The following ST3GAL3 variants were observed in gnomAD, a reference collection of about 807,000 sequenced individuals.
The protein encoded by ST3GAL3 is CMP-N-acetylneuraminate-beta-1,4-galactoside alpha-2,3-sialyltransferase.
Under a neutral mutation model 50.1 loss-of-function variants are expected in ST3GAL3, and 21 were observed. That is an observed-to-expected ratio of 0.42 (90% CI 0.30 to 0.60). The LOEUF (loss-of-function observed/expected upper bound fraction) is 0.60. ST3GAL3 is among the 20% of genes least tolerant of loss of function. The pLI is 0.19. For missense variants in ST3GAL3, 353 were observed against 489.4 expected (o/e 0.72, Z 2.63); for synonymous variants, 183 against 190.0 (o/e 0.96, Z 0.30).
Position 43,908,091 on chromosome 1 carries a change from G to GC in ST3GAL3, c.744+8368dup, listed in dbSNP as rs573030162. Among the ~76,000 whole-genome samples, 26 of 152,298 alleles carry GC rather than the reference G, an allele frequency of 1.7e-4. No homozygotes were observed. The East Asian group carries it at 5.0e-3, about 29-fold the overall frequency. On this transcript the variant is annotated intron_variant, in intron 9 of 11. Transcript: ENST00000347631. The stretch of plus-strand genomic sequence containing the variant: ...GGCACAGCGCTGGGTTCTAGGGATA[G>GC]CCCCTGATTCTTAAAACTCATGGCC...
intron 2 of ST3GAL3, among the ~76,000 whole-genome samples, chr1:43,756,563 C>CAT (rs397755856): frequency 3.4e-5 from 5 of 146,868 alleles, no homozygotes; most frequent in Non-Finnish European, 7.5e-5. Context: ...CACACACACA[C>CAT]GCACGCACAC....
Position 43,899,425 on chromosome 1 carries a change from TG to T in ST3GAL3, c.558-112del. The T allele has an allele frequency of 6.4e-7, 1 of 1,574,612 alleles. No homozygotes were observed. On this transcript the variant is annotated intron_variant, in intron 8 of 11. Coordinates refer to ENST00000347631, the MANE Select transcript of ST3GAL3 (RefSeq NM_006279.5). The surrounding 1 kb of genome is among the most constrained non-coding windows in gnomAD (Gnocchi z 5.4). The stretch of plus-strand genomic sequence containing the variant: ...GGAACAGACAACTAGCGGGGGCACC[TG>T]GGGAGAATAGGTCCAGGTGACCTGG...
intron 5 of ST3GAL3, among the ~76,000 whole-genome samples, chr1:43,846,562 T>A (rs1331290971): frequency 1.3e-5 from 2 of 152,302 alleles, no homozygotes; most frequent in South Asian, 2.1e-4. Flanking sequence ...CCACGGGTGG[T>A]TGGGGAGCAG....
rs114483091 is a variant in ST3GAL3, at chr1:43,750,316, A to G, written c.118+13936A>G. Among the ~76,000 whole-genome samples, 569 of 152,334 alleles carry G rather than the reference A, an allele frequency of 3.7e-3. 3 individuals are homozygous for G. The highest frequency in any genetic ancestry group is 0.013 in the African/African-American group (540 of 41,576). ...TGTTTAGTACATGACTCAGCAACTC[A>G]TACTTCCCAAGATAAATGAAAACCT... On this transcript the variant is annotated intron_variant, in intron 2 of 11. Transcript: ENST00000347631.
chr1:43,878,954 C>T, intron 5 of ST3GAL3: 1 of 450,966 alleles, frequency 2.2e-6, no homozygotes, highest in Admixed American at 2.4e-5. Context: ...GATAATTACA[C>T]CCTCCAGATA....
chr1:43,881,854 T>C (rs1480753986), intron 5 of ST3GAL3, among the ~76,000 whole-genome samples: 2 of 152,078 alleles, frequency 1.3e-5, no homozygotes, highest in Non-Finnish European at 2.9e-5. Flanking sequence ...AACAGGGAGA[T>C]CAAAGTGTCC....
intron 2 of ST3GAL3, among the ~76,000 whole-genome samples, chr1:43,745,855 C>G (rs561553742): frequency 9.2e-5 from 14 of 152,236 alleles, no homozygotes; most frequent in Non-Finnish European, 1.9e-4. Flanking sequence ...TCTTGAACTT[C>G]TCACCTCAAT....
At chr1:43,810,351 G>C (rs961498118) in intron 3 of ST3GAL3, among the ~76,000 whole-genome samples, 1 of 152,084 alleles carries the variant, frequency 6.6e-6, no homozygotes, top group African/African-American at 2.4e-5. Flanking sequence ...GAAAAGCCTC[G>C]TAGGGTCTGC....
chr1:43,720,358 CAT>C (rs1181358936), intron 1 of ST3GAL3: 2 of 152,220 alleles, frequency 1.3e-5, no homozygotes, highest in Non-Finnish European at 2.9e-5. Flanking sequence ...AGCAGTTAAA[CAT>C]AGAATTACCA....
chr1:43,889,101 T>C (rs919520834), intron 5 of ST3GAL3, among the ~76,000 whole-genome samples: 2 of 151,936 alleles, frequency 1.3e-5, no homozygotes, highest in African/African-American at 2.4e-5. Flanking sequence ...GTAATTATAA[T>C]GGAGTGCTCA....
intron 5 of ST3GAL3, among the ~76,000 whole-genome samples, chr1:43,849,859 G>A (rs1464619428): frequency 6.6e-6 from 1 of 152,184 alleles, no homozygotes. Context: ...CATGCTGCTG[G>A]GTAACAAGAT....
At chr1:43,813,893 ACG>A (rs61024703) in intron 3 of ST3GAL3, among the ~76,000 whole-genome samples, 1,391 of 51,782 alleles carry the variant, frequency 0.027, 16 homozygotes, top group African/African-American at 0.065. Flanking sequence ...ACACACACAC[ACG>A]CACACACGCA....
At chr1:43,733,254 G>A (rs1041031945) in intron 1 of ST3GAL3, among the ~76,000 whole-genome samples, 1 of 152,092 alleles carries the variant, frequency 6.6e-6, no homozygotes, top group Non-Finnish European at 1.5e-5. Context: ...TCCTACTTCG[G>A]CCTCTCAGGT....
intron 4 of ST3GAL3, among the ~76,000 whole-genome samples, chr1:43,832,699 G>C (rs529288893): frequency 6.6e-6 from 1 of 152,078 alleles, no homozygotes; most frequent in East Asian, 1.9e-4. Flanking sequence ...GGCAGTAAAG[G>C]CTATTTCAAA....
chr1:43,898,752 C>T (rs1033034809), intron 7 of ST3GAL3, among the ~76,000 whole-genome samples: 2 of 152,156 alleles, frequency 1.3e-5, no homozygotes, highest in Non-Finnish European at 2.9e-5. Context: ...GTCCTAGAGC[C>T]TCCTGTCCCG....
chr1:43,811,797 G>A (rs2060589504), intron 3 of ST3GAL3, among the ~76,000 whole-genome samples: 1 of 152,158 alleles, frequency 6.6e-6, no homozygotes, highest in Non-Finnish European at 1.5e-5. Context: ...GCTGGAGTGA[G>A]AGACAGGTAC....
chr1:43,864,073 G>A (rs527415595), intron 5 of ST3GAL3, among the ~76,000 whole-genome samples: 1 of 152,170 alleles, frequency 6.6e-6, no homozygotes, highest in East Asian at 1.9e-4. Context: ...GAGGTCAGGA[G>A]TTCAAGACCA....
At chr1:43,733,072 C>A (rs897754529) in intron 1 of ST3GAL3, among the ~76,000 whole-genome samples, 1 of 151,768 alleles carries the variant, frequency 6.6e-6, no homozygotes, top group Non-Finnish European at 1.5e-5. Flanking sequence ...TCGAACTCCT[C>A]AAGCAGTCTT....
At chr1:43,761,309 A>AT (rs111636074) in intron 2 of ST3GAL3, among the ~76,000 whole-genome samples, 34,684 of 147,370 alleles carry the variant, frequency 0.24, 4,640 homozygotes, top group Non-Finnish European at 0.31. Context: ...CTGTAAAAAG[A>AT]TTTTTTTTTT....
Sources: gnomAD v4.1 joint callset for allele counts (sites outside exome capture counted in the v4.1 genomes callset) on GRCh38, gnomAD v4.1.1 for gene constraint, Gnocchi (gnomAD v3.1) non-coding constraint, MANE v1.5 for transcripts, NCBI Gene and HGNC (gene_info 2026-07-23, HGNC 2026-07-21) for gene names.